Variants in PEF1 observed in about 807,000 individuals in gnomAD.
PEF1 encodes the protein penta-EF-hand domain containing 1.
In PEF1, 17 loss-of-function variants were observed where a neutral mutation model predicts 32.0. That is an observed-to-expected ratio of 0.53 (90% CI 0.36 to 0.80). The LOEUF (loss-of-function observed/expected upper bound fraction) is 0.80. Among genes scored for constraint, PEF1 ranks in the 30% least tolerant of loss-of-function variants. The probability of loss-of-function intolerance (pLI) is 0.00; values close to 1 mark genes in which losing one functional copy is unlikely to be tolerated. For synonymous variants in PEF1, 130 were observed against 139.8 expected, an observed-to-expected ratio of 0.93 and a Z score of 0.50; for missense variants, 362 against 369.1, an observed-to-expected ratio of 0.98 and a Z score of 0.16.
chr1:31,630,886 A>G, intron 4 of PEF1, 44 bp from the exon 5 acceptor site: 1 of 1,466,144 alleles, frequency 6.8e-7, no homozygotes, highest in Non-Finnish European at 9.3e-7. Context: ...AAAACCTGCC[A>G]TGAGCACCTC....
intron 1 of PEF1, among the ~76,000 whole-genome samples, chr1:31,636,929 C>A (rs76838206): frequency 1.7e-3 from 262 of 152,320 alleles, no homozygotes; most frequent in African/African-American, 6.0e-3. Context: ...CAGCAGAGCA[C>A]AGCCCCAACA....
chr1:31,633,317 G>T lies in PEF1; in HGVS notation c.326-3C>A. On this transcript the variant is annotated splice_region_variant and splice_polypyrimidine_tract_variant and intron_variant, in intron 2 of 4. Coordinates refer to ENST00000373703, the MANE Select transcript of PEF1 (RefSeq NM_012392.4). Reference sequence around the variant, plus strand: ...ATCCACATTGGGAGGGGCGCCACCTGGAGGAAGGGGTGTGAAGGCCATCAA... The same window carrying T: ...ATCCACATTGGGAGGGGCGCCACCTTGAGGAAGGGGTGTGAAGGCCATCAA... 1.2e-6 allele frequency: 2 copies of T among 1,609,444 alleles called. No homozygotes were observed. The highest frequency in any genetic ancestry group is 1.7e-6 in the Non-Finnish European group (2 of 1,177,420).
At chr1:31,637,462 T>C (rs926794010) in intron 1 of PEF1, among the ~76,000 whole-genome samples, 3 of 151,976 alleles carry the variant, frequency 2.0e-5, no homozygotes, top group Non-Finnish European at 4.4e-5. Flanking sequence ...CTGGGCAACA[T>C]AGTAAGATCC....
intron 4 of PEF1, 47 bp downstream of exon 4, chr1:31,632,448 A>G: frequency 1.9e-6 from 3 of 1,614,028 alleles, no homozygotes; most frequent in East Asian, 2.2e-5. Context: ...TGTAAAGAGA[A>G]GAGTCTAGCT....
At chr1:31,643,091 A>G (rs923313905) in intron 1 of PEF1, among the ~76,000 whole-genome samples, 1 of 152,212 alleles carries the variant, frequency 6.6e-6, no homozygotes, top group East Asian at 1.9e-4. Flanking sequence ...GAGGCAGAAG[A>G]CCAGCCACTG....
chr1:31,644,433 T>C (rs1296420394), intron 1 of PEF1: 1 of 1,101,232 alleles, frequency 9.1e-7, no homozygotes, highest in Non-Finnish European at 1.1e-6. Context: ...CAGTGTGGGG[T>C]GGGTCCGGAA....
intron 2 of PEF1, 61 bp downstream of exon 2, chr1:31,635,161 G>T: frequency 1.3e-6 from 2 of 1,579,758 alleles, no homozygotes; most frequent in Non-Finnish European, 1.7e-6. Context: ...AAGGACAAAG[G>T]CTGGCCATGG....
chr1:31,643,537 C>T (rs888112815), intron 1 of PEF1, among the ~76,000 whole-genome samples: 1 of 152,198 alleles, frequency 6.6e-6, no homozygotes, highest in South Asian at 2.1e-4. Context: ...CATGGCCTCA[C>T]CCTCACTTAC....
chr1:31,635,427 T>C lies in PEF1; in HGVS notation c.120A>G (p.Leu40=), dbSNP rs762374158. Residue 40 remains leucine, a synonymous_variant, in exon 2 of 5, where the codon CTA becomes CTG. Transcript: ENST00000373703. ...PNSGGQYGSG[L]PPGGGYGGPA... The stretch of plus-strand genomic sequence containing the variant: ...GACCCCCATAACCACCACCAGGGGG[T>C]AGCCCACTACCATACTGCCCTCCAC... The C allele has an allele frequency of 1.9e-5, 31 of 1,611,466 alleles. No individual in the cohort carries two copies. The highest frequency in any genetic ancestry group is 8.5e-7 in the Non-Finnish European group (1 of 1,179,004).
At chr1:31,634,889 C>T in intron 2 of PEF1, 1 of 502,488 alleles carries the variant, frequency 2.0e-6, no homozygotes, top group Non-Finnish European at 3.9e-6. Context: ...TGCTCCTTCT[C>T]TCTGCCACAA....
Position 31,635,541 on chromosome 1 carries a change from A to T in PEF1, c.25-19T>A. ...GGCAGCCCTGCAGGAAGAGCAAGATATCAGTCAGAATGATGAGGCCAGAAA... is the reference window on the plus strand; with the variant it reads ...GGCAGCCCTGCAGGAAGAGCAAGATTTCAGTCAGAATGATGAGGCCAGAAA... On this transcript the variant is annotated intron_variant, in intron 1 of 4. Transcript: ENST00000373703. 6.6e-7 allele frequency: 1 copy of T among 1,506,170 alleles called. No individual in the cohort carries two copies. The highest frequency in any genetic ancestry group is 8.9e-7 in the Non-Finnish European group (1 of 1,128,052). 93.3% of individuals were successfully genotyped at this position (1,506,170 alleles called of 1,614,324 possible). A position where few individuals can be genotyped will look rare whatever the true frequency, so the allele number is the denominator to read the frequency against.
chr1:31,632,607 G>A lies in PEF1; in HGVS notation c.513C>T (p.Ile171=), dbSNP rs201080764. 4.3e-5 allele frequency: 70 copies of A among 1,614,036 alleles called. No individual in the cohort carries two copies. Among genetic ancestry groups the A allele is most frequent in the Admixed American group, 1.3e-4 (8 of 60,006 alleles). ...ACAGGGCTGAGAAGCCGTAGACATCGATGCGGCCTGACTTGGTCTTGTCAA... is the reference window on the plus strand; with the variant it reads ...ACAGGGCTGAGAAGCCGTAGACATCAATGCGGCCTGACTTGGTCTTGTCAA... ...NMFDKTKSGR[I]DVYGFSALWK... Residue 171 remains isoleucine (I), a synonymous_variant, in exon 4 of 5, where the codon ATC becomes ATT. Transcript: ENST00000373703.
chr1:31,638,620 G>C (rs1047582532), intron 1 of PEF1, among the ~76,000 whole-genome samples: 5 of 152,256 alleles, frequency 3.3e-5, no homozygotes, highest in Non-Finnish European at 7.3e-5. Context: ...CTGCCAGGCA[G>C]GTCTCCTGCC....
chr1:31,633,693 C>T (rs1294160045), intron 2 of PEF1, among the ~76,000 whole-genome samples: 2 of 152,134 alleles, frequency 1.3e-5, no homozygotes, highest in South Asian at 2.1e-4. Flanking sequence ...CAGTGGCTCA[C>T]GACTGTAATC....
intron 4 of PEF1, chr1:31,632,194 C>G: frequency 6.7e-6 from 4 of 600,246 alleles, no homozygotes; most frequent in Non-Finnish European, 1.2e-5. Context: ...ACACACTGGT[C>G]TCATAGTCCT....
chr1:31,633,887 G>A (rs1640184285), intron 2 of PEF1, among the ~76,000 whole-genome samples: 1 of 151,978 alleles, frequency 6.6e-6, no homozygotes, highest in African/African-American at 2.4e-5. Context: ...CCCGGGAGGT[G>A]GAGGTTGTGG....
At chr1:31,642,061 G>A (rs1253785394) in intron 1 of PEF1, among the ~76,000 whole-genome samples, 3 of 152,006 alleles carry the variant, frequency 2.0e-5, no homozygotes, top group East Asian at 1.9e-4. Context: ...GCGAAACCCC[G>A]TCTCTACTAA....
intron 1 of PEF1, among the ~76,000 whole-genome samples, chr1:31,642,526 A>T (rs1640421731): frequency 6.6e-6 from 1 of 152,222 alleles, no homozygotes. Flanking sequence ...AATCCTCCAA[A>T]GCTATGTAGT....
Position 31,630,827 on chromosome 1 carries a change from C to G in PEF1, c.641G>C (p.Gly214Ala), listed in dbSNP as rs1199000368. Reference sequence around the variant, plus strand: ...GGTGAACTGGGGGCTCAGGTTGTAGCCCATTTGGGACAGAGCTGGAGAAGA... The same window carrying G: ...GGTGAACTGGGGGCTCAGGTTGTAGGCCATTTGGGACAGAGCTGGAGAAGA... The part of the protein sequence containing the change: ...TELQQALSQM[G>A]YNLSPQFTQL... Residue 214 changes from glycine to alanine, a missense_variant, in exon 5 of 5, where the codon GGC becomes GCC. Coordinates refer to ENST00000373703, the MANE Select transcript of PEF1 (RefSeq NM_012392.4). 6.2e-7 allele frequency: 1 copy of G among 1,609,826 alleles called. No homozygotes were observed. The highest frequency in any genetic ancestry group is 2.2e-5 in the East Asian group (1 of 44,848).
Sources: gnomAD v4.1 joint callset for allele counts (sites outside exome capture counted in the v4.1 genomes callset) on GRCh38, gnomAD v4.1.1 for gene constraint, MANE v1.5 for transcripts, NCBI Gene and HGNC (gene_info 2026-07-23, HGNC 2026-07-21) for gene names.